KIAA0408: variants seen among roughly 807,000 people sequenced by gnomAD.
KIAA0408 encodes the protein uncharacterized protein KIAA0408.
In KIAA0408, 51 loss-of-function variants were observed where a neutral mutation model predicts 60.9. The ratio of observed to expected loss-of-function variants is 0.84; its 90% CI spans 0.67 to 1.06. The LOEUF is 1.06. Ranked by LOEUF, KIAA0408 falls within the 50% of genes least tolerant of loss-of-function variation. The pLI, the probability that KIAA0408 is intolerant of heterozygous loss-of-function variation, is 0.00. For synonymous variants in KIAA0408, 304 were observed against 282.4 expected (o/e 1.08, Z -0.77); for missense variants, 787 against 833.9 (o/e 0.94, Z 0.69).
chr6:127,457,659 A>G (rs544960309), intron 1 of KIAA0408, among the ~76,000 whole-genome samples: 27 of 152,388 alleles, frequency 1.8e-4, no homozygotes, highest in South Asian at 4.1e-4. Context: ...AGTGGGTTGC[A>G]TAAGTATGGT....
At position 127,443,775 on chromosome 6, in the gene KIAA0408, G is replaced by T; in HGVS notation, c.*334C>A. 1 of 224,820 alleles carries T rather than the reference G, an allele frequency of 4.4e-6. No homozygotes were observed. The highest frequency in any genetic ancestry group is 8.9e-6 in the Non-Finnish European group (1 of 112,760). The allele number at this position is 224,820 out of a possible 1,614,324, so 13.9% of individuals were successfully genotyped here. On this transcript the variant is annotated 3_prime_UTR_variant, in exon 6 of 6. Coordinates refer to ENST00000483725, the MANE Select transcript of KIAA0408 (RefSeq NM_014702.5). ...TTTTTCATATCTAAATACATACTAG[G>T]ATACTTCCTATTTCAACACATGCAC...
Position 127,447,683 on chromosome 6 carries a change from C to A in KIAA0408, c.636G>T (p.Gly212=). Residue 212 remains glycine (G), a synonymous_variant, in exon 5 of 6, where the codon GGG becomes GGT. Coordinates refer to ENST00000483725, the MANE Select transcript of KIAA0408 (RefSeq NM_014702.5). ...EMPNVTNIPH[G]DPMINNDQCI... ...ACTGGTCATTGTTGATCATGGGGTC[C>A]CCATGAGGTATATTAGTTACATTTG... 2 of 1,588,098 alleles carry A rather than the reference C, an allele frequency of 1.3e-6. No individual in the cohort carries two copies. Among genetic ancestry groups the A allele is most frequent in the South Asian group, 1.2e-5 (1 of 85,644 alleles).
chr6:127,454,323 A>G (rs1412473543), intron 1 of KIAA0408: 1 of 198,656 alleles, frequency 5.0e-6, no homozygotes, highest in Non-Finnish European at 9.6e-6. Flanking sequence ...CAGCAAAATT[A>G]TAGTGGACAA....
intron 2 of KIAA0408, among the ~76,000 whole-genome samples, chr6:127,452,392 A>G (rs1027467107): frequency 1.3e-5 from 2 of 152,120 alleles, no homozygotes; most frequent in African/African-American, 4.8e-5. Context: ...TCTCCAAGAT[A>G]AAAAAATATG....
rs1773205468 is a variant in KIAA0408 at position 127,446,807 on chromosome 6, G to A, written c.1512C>T (p.Pro504=). 4 of 1,613,982 alleles carry A rather than the reference G, an allele frequency of 2.5e-6. No homozygotes were observed. The highest frequency in any genetic ancestry group is 1.3e-5 in the African/African-American group (1 of 75,006). The change falls in exon 5 of 6, where the codon CCC becomes CCT. Residue 504 remains proline, a synonymous_variant. Coordinates refer to ENST00000483725, the MANE Select transcript of KIAA0408 (RefSeq NM_014702.5). ...IWKTNAHMPV[P]MENVPDNPTK... ...TGGGATTATCAGGCACATTTTCCAT[G>A]GGCACAGGCATGTGGGCATTGGTTT...
Position 127,450,446 on chromosome 6 carries a change from T to C in KIAA0408, c.136-94A>G, listed in dbSNP as rs112832372. The C allele has an allele frequency of 5.8e-4, 837 of 1,445,722 alleles. 4 individuals carry two copies. The African/African-American group carries it at 0.011, about 19-fold the overall frequency. The allele number at this position is 1,445,722 out of a possible 1,614,324, so 89.6% of individuals were successfully genotyped here. A position where few individuals can be genotyped will look rare whatever the true frequency, so the allele number is the denominator to read the frequency against. ...TAAGCAAACCGCTTTGAGTTCTCTTTGCCATATTAAAATATACTTCCTGGG... is the reference window on the plus strand; with the variant it reads ...TAAGCAAACCGCTTTGAGTTCTCTTCGCCATATTAAAATATACTTCCTGGG... On this transcript the variant is annotated intron_variant, in intron 2 of 5. Coordinates refer to ENST00000483725, the MANE Select transcript of KIAA0408 (RefSeq NM_014702.5).
In KIAA0408 at chr6:127,453,933, C is replaced by T; in HGVS notation, c.49G>A (p.Glu17Lys). The change falls in exon 2 of 6, where the codon GAA (glutamate) becomes AAA (lysine). Residue 17 changes from glutamate to lysine, a missense_variant. Around this residue, in one of 3 missense-constraint regions of KIAA0408, gnomAD observed 640 missense variants for 681.3 expected, o/e 0.94. Coordinates refer to ENST00000483725, the MANE Select transcript of KIAA0408 (RefSeq NM_014702.5). ...WENTETNWHK[E>K]KMELLDQFDN... ...AACTGGTCCAGTAATTCCATCTTTT[C>T]CTTATGCCAGTTAGTCTCTGTGTTC... 5.0e-6 allele frequency: 8 copies of T among 1,612,956 alleles called. No homozygotes were observed. Among genetic ancestry groups the T allele is most frequent in the Middle Eastern group, 1.7e-4 (1 of 6,052 alleles).
At chr6:127,451,263 A>G (rs1261398836) in intron 2 of KIAA0408, 1 of 455,100 alleles carries the variant, frequency 2.2e-6, no homozygotes, top group Non-Finnish European at 4.4e-6. Context: ...TAATAGATTT[A>G]TTGCTGCTTA....
At chr6:127,453,770 T>G in intron 2 of KIAA0408, 77 bp downstream of exon 2, 2 of 1,529,422 alleles carry the variant, frequency 1.3e-6, no homozygotes, top group South Asian at 2.7e-5. Context: ...AAAAACAGTT[T>G]CCAATACAAA....
Position 127,449,807 on chromosome 6 carries a change from G to T in KIAA0408, c.578+15C>A, listed in dbSNP as rs368853063. ...TTTATTTACCCATCTAAAATAATCAGATGTACCAGCCTACCTTCTATGGTT... is the reference window on the plus strand; with the variant it reads ...TTTATTTACCCATCTAAAATAATCATATGTACCAGCCTACCTTCTATGGTT... On this transcript the variant is annotated intron_variant, in intron 4 of 5. Coordinates refer to ENST00000483725, the MANE Select transcript of KIAA0408 (RefSeq NM_014702.5). 9.3e-6 allele frequency: 15 copies of T among 1,613,562 alleles called. No homozygotes were observed. Among genetic ancestry groups the T allele is most frequent in the Non-Finnish European group, 1.3e-5 (15 of 1,179,838 alleles).
Position 127,446,737 on chromosome 6 carries a change from G to A in KIAA0408, c.1582C>T (p.Leu528=). 5 of 1,613,894 alleles carry A rather than the reference G, an allele frequency of 3.1e-6. No homozygotes were observed. The highest frequency in any genetic ancestry group is 2.7e-5 in the African/African-American group (2 of 74,982). Residue 528 remains leucine (L), a synonymous_variant, in exon 5 of 6, where the codon CTA becomes TTA. Coordinates refer to ENST00000483725, the MANE Select transcript of KIAA0408 (RefSeq NM_014702.5). The stretch of plus-strand genomic sequence containing the variant: ...ATATTTCGATAACTGCGAGGACTTA[G>A]GTGTCCCTGCATTTGTCTTACTAGG... The part of the protein sequence containing the change: ...TGLVRQMQGH[L]SPRSYRNMLH...
Position 127,441,177 on chromosome 6 carries a change from C to T in KIAA0408, c.*2932G>A, listed in dbSNP as rs1333622404. 2 of 152,254 alleles carry T rather than the reference C, an allele frequency of 1.3e-5. No homozygotes were observed. Among genetic ancestry groups the T allele is most frequent in the African/African-American group, 4.8e-5 (2 of 41,408 alleles). 9.4% of individuals were successfully genotyped at this position (152,254 alleles called of 1,614,324 possible). A position where few individuals can be genotyped will look rare whatever the true frequency, so the allele number is the denominator to read the frequency against. On this transcript the variant is annotated 3_prime_UTR_variant, in exon 6 of 6. Coordinates refer to ENST00000483725, the MANE Select transcript of KIAA0408 (RefSeq NM_014702.5). ...TGTAGGGAAGCAGAAACTCTTAAGTCCAGATGTTTTCTCAGGATAACTAAA... is the reference window on the plus strand; with the variant it reads ...TGTAGGGAAGCAGAAACTCTTAAGTTCAGATGTTTTCTCAGGATAACTAAA...
rs781076422 is a variant in KIAA0408 at position 127,450,327 on chromosome 6, C to T, written c.161G>A (p.Arg54Lys). Residue 54 changes from arginine (R) to lysine (K), a missense_variant, in exon 3 of 6, where the codon AGG (arginine) becomes AAG (lysine). This residue lies in a region of KIAA0408 where 640 missense variants were observed against 681.3 expected (regional missense o/e 0.94). Transcript: ENST00000483725. ...AGCACTTTCATTGATATTGATTTTCCTCCAAAGCTTTACTTCCCGGCAAAG... is the reference window on the plus strand; with the variant it reads ...AGCACTTTCATTGATATTGATTTTCTTCCAAAGCTTTACTTCCCGGCAAAG... Reference protein sequence around the residue: ...EELCREVKLWRKININESAKI... With the variant: ...EELCREVKLWKKININESAKI... 7.5e-6 allele frequency: 12 copies of T among 1,600,464 alleles called. 1 individual carries two copies. The highest frequency in any genetic ancestry group is 7.0e-5 in the Admixed American group (4 of 57,134).
Position 127,443,883 on chromosome 6 carries a change from T to TA in KIAA0408, c.*225dup. 3 of 507,070 alleles carry TA rather than the reference T, an allele frequency of 5.9e-6. No homozygotes were observed. The South Asian group carries it at 6.9e-5, about 12-fold the overall frequency. 31.4% of individuals were successfully genotyped at this position (507,070 alleles called of 1,614,324 possible). On this transcript the variant is annotated 3_prime_UTR_variant, in exon 6 of 6. Transcript: ENST00000483725. ...TACAATATTGTACATTGTTTCAACT[T>TA]ATATTGTATTGGAAAACTAATGAGG...
At position 127,444,006 on chromosome 6, in the gene KIAA0408, A is replaced by G. The variant is rs1773144937; in HGVS notation, c.*103T>C. Reference sequence around the variant, plus strand: ...AAGACTGATGGAAAGTTAAGATTCAAATTGCTTGTCGGAAGAGAACAGGTC... The same window carrying G: ...AAGACTGATGGAAAGTTAAGATTCAGATTGCTTGTCGGAAGAGAACAGGTC... On this transcript the variant is annotated 3_prime_UTR_variant, in exon 6 of 6. Coordinates refer to ENST00000483725, the MANE Select transcript of KIAA0408 (RefSeq NM_014702.5). 2.0e-6 allele frequency: 2 copies of G among 987,778 alleles called. No homozygotes were observed. The highest frequency in any genetic ancestry group is 3.0e-6 in the Non-Finnish European group (2 of 661,564). 61.2% of individuals were successfully genotyped at this position (987,778 alleles called of 1,614,324 possible). A position where few individuals can be genotyped will look rare whatever the true frequency, so the allele number is the denominator to read the frequency against.
chr6:127,453,801 C>T, intron 2 of KIAA0408, 46 bp downstream of exon 2: 2 of 1,575,922 alleles, frequency 1.3e-6, no homozygotes, highest in Non-Finnish European at 1.7e-6. Context: ...GAATTTTCAT[C>T]CTGCACTTAA....
chr6:127,444,249 C>G lies in KIAA0408; in HGVS notation c.1945G>C (p.Gly649Arg). 1 of 1,606,614 alleles carries G rather than the reference C, an allele frequency of 6.2e-7. No homozygotes were observed. The highest frequency in any genetic ancestry group is 8.5e-7 in the Non-Finnish European group (1 of 1,177,010). Residue 649 changes from glycine (G) to arginine (R), a missense_variant, in exon 6 of 6, where the codon GGA (glycine) becomes CGA (arginine). Gly to Arg is a moderately radical substitution (Grantham distance 125). Coordinates refer to ENST00000483725, the MANE Select transcript of KIAA0408 (RefSeq NM_014702.5). ...GCTGGTCTAGCAGGTCGGGAAAATC[C>G]TTTTCCATGTGAGGCGTTCACTGAC... is the stretch of plus-strand genomic sequence containing the variant. ...SMSVNASHGK[G>R]FSRPARPANR...
At chr6:127,453,345 C>A (rs564007262) in intron 2 of KIAA0408, among the ~76,000 whole-genome samples, 1 of 151,998 alleles carries the variant, frequency 6.6e-6, no homozygotes, top group East Asian at 1.9e-4. Context: ...TAGAATAAAT[C>A]TCATGTCTAC....
Position 127,449,966 on chromosome 6 carries a change from C to CTT in KIAA0408, c.498+23_498+24insAA, listed in dbSNP as rs772451787. On this transcript the variant is annotated intron_variant, in intron 3 of 5. Coordinates refer to ENST00000483725, the MANE Select transcript of KIAA0408 (RefSeq NM_014702.5). ...TGTAAATATTTCTTTAGAAACAGTT[C>CTT]TAGGCCAATCACATCTTACTTACTG... 3.7e-6 allele frequency: 6 copies of CTT among 1,613,596 alleles called. No homozygotes were observed. The African/African-American group carries it at 6.7e-5, about 18-fold the overall frequency.
Sources: allele counts gnomAD v4.1 joint callset (sites outside exome capture counted in the v4.1 genomes callset), GRCh38; gene constraint gnomAD v4.1.1; regional missense constraint gnomAD v4.1.1; transcripts MANE v1.5; gene names NCBI Gene and HGNC (gene_info 2026-07-23, HGNC 2026-07-21).